The following EIF4G3 variants were observed in gnomAD, a reference collection of about 807,000 sequenced individuals.
EIF4G3 encodes the protein eukaryotic translation initiation factor 4 gamma 3.
EIF4G3 carries 34 observed loss-of-function variants against 186.4 expected under a neutral mutation model. That is an observed-to-expected ratio of 0.18 (90% CI 0.14 to 0.24). The LOEUF is 0.24. Among genes scored for constraint, EIF4G3 ranks in the 10% least tolerant of loss-of-function variants. The probability of loss-of-function intolerance (pLI) is 1.00; values close to 1 mark genes in which losing one functional copy is unlikely to be tolerated. For synonymous variants in EIF4G3, 673 were observed against 679.5 expected, an observed-to-expected ratio of 0.99 and a Z score of 0.15; for missense variants, 1,536 against 1,948.5, an observed-to-expected ratio of 0.79 and a Z score of 3.99.
At chr1:20,961,123 G>A (rs1017080611) in intron 12 of EIF4G3, among the ~76,000 whole-genome samples, 3 of 152,158 alleles carry the variant, frequency 2.0e-5, no homozygotes, top group Non-Finnish European at 2.9e-5. Flanking sequence ...GGTGGCTCAC[G>A]CCTGTAATCC....
At chr1:21,042,828 C>G (rs1052675024) in intron 4 of EIF4G3, among the ~76,000 whole-genome samples, 1 of 152,188 alleles carries the variant, frequency 6.6e-6, no homozygotes, top group Admixed American at 6.5e-5. Context: ...ATTGAAGAGT[C>G]AAACTGCACA....
intron 2 of EIF4G3, among the ~76,000 whole-genome samples, chr1:21,173,764 G>A (rs753320831): frequency 3.3e-4 from 50 of 152,186 alleles, no homozygotes; most frequent in Non-Finnish European, 6.6e-4. Context: ...TTGAGGGTCT[G>A]GAGATCTATT....
At chr1:21,097,584 C>T (rs1055855768) in intron 2 of EIF4G3, among the ~76,000 whole-genome samples, 1 of 152,068 alleles carries the variant, frequency 6.6e-6, no homozygotes, top group Non-Finnish European at 1.5e-5. Context: ...CACTTGAAAA[C>T]CAAAATAGTG....
intron 2 of EIF4G3, among the ~76,000 whole-genome samples, chr1:21,096,296 A>G (rs150903303): frequency 3.4e-4 from 52 of 152,346 alleles, no homozygotes; most frequent in Admixed American, 5.9e-4. Flanking sequence ...AGAAAGACAA[A>G]TATCACATGT....
At chr1:20,892,923 T>C (rs1395804649) in intron 18 of EIF4G3, among the ~76,000 whole-genome samples, 5 of 152,290 alleles carry the variant, frequency 3.3e-5, no homozygotes, top group Non-Finnish European at 1.5e-5. Context: ...CACTGAAGCC[T>C]GGACTTCCTG....
intron 3 of EIF4G3, among the ~76,000 whole-genome samples, chr1:21,072,913 G>A (rs1054266410): frequency 6.6e-6 from 1 of 152,148 alleles, no homozygotes; most frequent in South Asian, 2.1e-4. Flanking sequence ...GCTCTAGGAG[G>A]TTTAAATGGA....
At chr1:21,146,081 C>A (rs1258216066) in intron 2 of EIF4G3, among the ~76,000 whole-genome samples, 1 of 151,966 alleles carries the variant, frequency 6.6e-6, no homozygotes, top group Non-Finnish European at 1.5e-5. Context: ...GGAAACACAG[C>A]AAGACCCTGT....
intron 34 of EIF4G3, among the ~76,000 whole-genome samples, chr1:20,817,044 G>C (rs1173579827): frequency 1.4e-5 from 2 of 141,084 alleles, no homozygotes; most frequent in African/African-American, 5.3e-5. Context: ...CTTGAAGGCA[G>C]CATGCTCGTT....
rs994327875 is a variant in EIF4G3, at chr1:20,917,609, C to A, written c.1664-12638G>T. Among the ~76,000 whole-genome samples the A allele has an allele frequency of 4.6e-5, 7 of 152,116 alleles. No individual in the cohort carries two copies. In the South Asian group the frequency reaches 1.5e-3, roughly 32 times the overall value. On this transcript the variant is annotated intron_variant, in intron 14 of 36. Coordinates refer to ENST00000602326, the MANE Select transcript of EIF4G3 (RefSeq NM_001391906.1). ...AAAAAACAGATCAGTGCTTGCCTGG[C>A]GATGAAGATGAGGGTAGTAGTGCAG...
At chr1:21,066,505 A>G (rs2095248309) in intron 3 of EIF4G3, among the ~76,000 whole-genome samples, 1 of 152,164 alleles carries the variant, frequency 6.6e-6, no homozygotes. Flanking sequence ...TTTCTAATCT[A>G]GTATTCTGCA....
chr1:20,893,729 G>C, intron 17 of EIF4G3, 93 bp from the exon 18 acceptor site: 1 of 1,370,670 alleles, frequency 7.3e-7, no homozygotes, highest in Non-Finnish European at 9.7e-7. Flanking sequence ...AGTTACATCA[G>C]CTGAAACGGT....
Position 20,949,983 on chromosome 1 carries a change from G to A in EIF4G3, c.823+20C>T. ...AAAAGAGACTAAAGATAAGAGGGAG[G>A]AAAACAGTCATACACAAACCTTGCT... On this transcript the variant is annotated intron_variant, in intron 13 of 36. Transcript: ENST00000602326. 6.3e-7 allele frequency: 1 copy of A among 1,595,578 alleles called. No individual in the cohort carries two copies. The highest frequency in any genetic ancestry group is 8.6e-7 in the Non-Finnish European group (1 of 1,164,172).
chr1:20,984,194 T>C lies in EIF4G3; in HGVS notation c.178-1786A>G, dbSNP rs549164397. ...TTTCTTTTGTCGGGGGGAGATGGAG[T>C]CTTGCTCTGTCGCCCAGGCTGGAGT... is the stretch of plus-strand genomic sequence containing the variant. On this transcript the variant is annotated intron_variant, in intron 7 of 36. Coordinates refer to ENST00000602326, the MANE Select transcript of EIF4G3 (RefSeq NM_001391906.1). Among the ~76,000 whole-genome samples, 8 of 152,052 alleles carry C rather than the reference T, an allele frequency of 5.3e-5. No homozygotes were observed. In the South Asian group the frequency reaches 1.5e-3, roughly 28 times the overall value.
rs868679561 is a variant in EIF4G3 at position 20,981,551 on chromosome 1, T to C, written c.199-324A>G. The stretch of plus-strand genomic sequence containing the variant: ...TACATGTATACGCACATACTGTATG[T>C]ATACATACATACATGTATACGCACA... On this transcript the variant is annotated intron_variant, in intron 8 of 36. Coordinates refer to ENST00000602326, the MANE Select transcript of EIF4G3 (RefSeq NM_001391906.1). 6.6e-4 allele frequency among the ~76,000 whole-genome samples: 39 copies of C among 59,014 alleles called. 1 individual carries two copies. The highest frequency in any genetic ancestry group is 6.3e-3 in the Middle Eastern group (1 of 158). 38.7% of individuals were successfully genotyped at this position (59,014 alleles called of 152,430 possible).
rs1237441812 is a variant in EIF4G3 at position 20,853,674 on chromosome 1, G to C, written c.3437C>G (p.Ala1146Gly). Residue 1146 changes from alanine to glycine, a missense_variant, in exon 27 of 37, where the codon GCC becomes GGC. This residue lies in a region of EIF4G3 where 395 missense variants were observed against 498.9 expected (regional missense o/e 0.79). Coordinates refer to ENST00000602326, the MANE Select transcript of EIF4G3 (RefSeq NM_001391906.1). ...TAAACTGGAAGCACTTGACCGTAAG[G>C]CATCTACACATGTCGAGGATTTAGA... ...SGGAKASETD[A>G]LRSSASSLNR... 4 of 1,604,810 alleles carry C rather than the reference G, an allele frequency of 2.5e-6. No homozygotes were observed. The African/African-American group carries it at 4.1e-5, about 16-fold the overall frequency.
At chr1:20,862,425 A>T in intron 22 of EIF4G3, 93 bp from the exon 23 acceptor site, 2 of 778,270 alleles carry the variant, frequency 2.6e-6, no homozygotes, top group Non-Finnish European at 4.0e-6. Flanking sequence ...TTATCTATTT[A>T]TTTTTTTAGA....
At chr1:21,003,546 G>GA (rs1317461918) in intron 4 of EIF4G3, 2 of 258,858 alleles carry the variant, frequency 7.7e-6, no homozygotes, top group African/African-American at 4.6e-5. Context: ...TATGTTGCTA[G>GA]AAAAAGAATC....
intron 3 of EIF4G3, among the ~76,000 whole-genome samples, chr1:21,053,860 C>A (rs1343066719): frequency 6.8e-6 from 1 of 148,078 alleles, no homozygotes; most frequent in East Asian, 2.1e-4. Context: ...GGGTCAGCCC[C>A]CCGCCCGGCC....
chr1:20,886,778 C>A (rs2290381), intron 18 of EIF4G3, among the ~76,000 whole-genome samples: 48,860 of 151,902 alleles, frequency 0.32, 8,503 homozygotes, highest in Non-Finnish European at 0.39. Context: ...GGGTAAAATG[C>A]AAATTTAATA....
Sources: gnomAD v4.1 joint callset for allele counts (sites outside exome capture counted in the v4.1 genomes callset) on GRCh38, gnomAD v4.1.1 for gene constraint, gnomAD v4.1.1 regional missense constraint, MANE v1.5 for transcripts, NCBI Gene and HGNC (gene_info 2026-07-23, HGNC 2026-07-21) for gene names.